Variants in DDX54 observed in about 807,000 individuals in gnomAD.
The protein encoded by DDX54 is ATP-dependent RNA helicase DDX54.
DDX54 carries 67 observed loss-of-function variants against 105.5 expected under a neutral mutation model. That is an observed-to-expected ratio of 0.64 (90% CI 0.52 to 0.78). The LOEUF (loss-of-function observed/expected upper bound fraction) is 0.78, where lower values mean the gene tolerates loss of function less well. DDX54 is among the 30% of genes least tolerant of loss of function. DDX54 has a pLI of 0.00. For missense variants in DDX54, 1,206 were observed against 1,230.5 expected, an observed-to-expected ratio of 0.98 and a Z score of 0.30; for synonymous variants, 514 against 509.9, an observed-to-expected ratio of 1.01 and a Z score of -0.11.
At chr12:113,181,118 G>T in intron 1 of DDX54, 60 bp from the exon 2 acceptor site, 1 of 1,567,780 alleles carries the variant, frequency 6.4e-7, no homozygotes, top group South Asian at 1.2e-5. Context: ...ACAGGGGGCA[G>T]GGAAGGGGCC....
chr12:113,179,795 G>C, intron 3 of DDX54, 140 bp downstream of exon 3: 1 of 986,064 alleles, frequency 1.0e-6, no homozygotes, highest in Non-Finnish European at 1.5e-6. Flanking sequence ...CTAGGAAGTG[G>C]GCACGCTAGC....
intron 3 of DDX54, 60 bp downstream of exon 3, chr12:113,179,875 A>G: frequency 1.3e-6 from 2 of 1,587,954 alleles, no homozygotes; most frequent in Admixed American, 3.3e-5. Context: ...TCAAGGGGCC[A>G]GAGAGGAGGG....
Position 113,162,991 on chromosome 12 carries a change from G to T in DDX54, c.2136C>A (p.Val712=). Residue 712 remains valine (V), a synonymous_variant, in exon 17 of 20, where the codon GTC becomes GTA. Transcript: ENST00000306014. Reference sequence around the variant, plus strand: ...GGGCTTCATCCCCCATCAAGTCCAGGACAGCGCCAGCTGCCTGCTGCTCAA... The same window carrying T: ...GGGCTTCATCCCCCATCAAGTCCAGTACAGCGCCAGCTGCCTGCTGCTCAA... ...GAFEQQAAGA[V]LDLMGDEAQN... is the part of the protein sequence containing the mutation. The T allele has an allele frequency of 6.2e-7, 1 of 1,609,260 alleles. No homozygotes were observed. Among genetic ancestry groups the T allele is most frequent in the Admixed American group, 1.7e-5 (1 of 59,948 alleles).
At chr12:113,164,985 C>G (rs372724509) in intron 14 of DDX54, among the ~76,000 whole-genome samples, 1 of 152,288 alleles carries the variant, frequency 6.6e-6, no homozygotes, top group East Asian at 1.9e-4. Context: ...CATGATTGCA[C>G]CACTGCACTC....
In DDX54 at chr12:113,185,412, G is replaced by C. The variant is rs141235407; in HGVS notation, c.40C>G (p.Arg14Gly). Residue 14 changes from arginine to glycine, a missense_variant, in exon 1 of 20, where the codon CGA becomes GGA. Coordinates refer to ENST00000306014, the MANE Select transcript of DDX54 (RefSeq NM_024072.4). ...TTCCTCCACTGGGCCATGGCAGCTC[G>C]CGACCGAGGTCCAGCCGCCGGGCCC... is the stretch of plus-strand genomic sequence containing the variant. ...DKGPAAGPRS[R>G]AAMAQWRKKK... is the part of the protein sequence containing the mutation. The C allele has an allele frequency of 0.012, 18,831 of 1,533,574 alleles. 218 individuals carry two copies. Among genetic ancestry groups the C allele is most frequent in the Middle Eastern group, 0.048 (278 of 5,784 alleles). 95.0% of individuals were successfully genotyped at this position (1,533,574 alleles called of 1,614,324 possible). A position where few individuals can be genotyped will look rare whatever the true frequency, so the allele number is the denominator to read the frequency against.
intron 18 of DDX54, 34 bp from the exon 19 acceptor site, chr12:113,161,416 C>G (rs201119705): frequency 6.4e-7 from 1 of 1,562,960 alleles, no homozygotes; most frequent in African/African-American, 1.3e-5. Context: ...TGCGTGAAGC[C>G]CCTGGGATGG....
chr12:113,157,564 C>T lies in DDX54; in HGVS notation c.*1313G>A. The T allele has an allele frequency of 6.5e-7, 1 of 1,538,458 alleles. No homozygotes were observed. Among genetic ancestry groups the T allele is most frequent in the Non-Finnish European group, 8.8e-7 (1 of 1,135,226 alleles). ...GAGGGGTGGGGGCTGGACAGTGACT[C>T]TGGGGCTGGGATGTGACTTCGTGCT... On this transcript the variant is annotated 3_prime_UTR_variant, in exon 20 of 20. Coordinates refer to ENST00000306014, the MANE Select transcript of DDX54 (RefSeq NM_024072.4).
Position 113,157,407 on chromosome 12 carries a change from T to C in DDX54, c.*1470A>G, listed in dbSNP as rs182379090. ...TCTGCTCACGCAGCAGTTGGGAAGG[T>C]TGGCCTGAGGCTTTCAAAACCCAGA... is the stretch of plus-strand genomic sequence containing the variant. On this transcript the variant is annotated 3_prime_UTR_variant, in exon 20 of 20. Coordinates refer to ENST00000306014, the MANE Select transcript of DDX54 (RefSeq NM_024072.4). 7.2e-4 allele frequency: 428 copies of C among 591,528 alleles called. No individual in the cohort carries two copies. The highest frequency in any genetic ancestry group is 1.2e-3 in the Non-Finnish European group (397 of 330,392). The allele number at this position is 591,528 out of a possible 1,614,324, so 36.6% of individuals were successfully genotyped here. A position where few individuals can be genotyped will look rare whatever the true frequency, so the allele number is the denominator to read the frequency against.
At chr12:113,162,828 T>C (rs1952225116) in intron 17 of DDX54, 104 bp downstream of exon 17, 2 of 1,052,744 alleles carry the variant, frequency 1.9e-6, no homozygotes, top group South Asian at 3.3e-5. Flanking sequence ...ACCCCGGGCA[T>C]GGAGGGAGGG....
At chr12:113,164,759 C>T (rs1566094268) in intron 14 of DDX54, among the ~76,000 whole-genome samples, 3 of 149,088 alleles carry the variant, frequency 2.0e-5, no homozygotes, top group Admixed American at 1.3e-4. Context: ...GGCCAGGCAC[C>T]GTGGCTCACG....
chr12:113,161,675 C>A (rs904553720), intron 18 of DDX54, among the ~76,000 whole-genome samples: 1 of 151,520 alleles, frequency 6.6e-6, no homozygotes, highest in Non-Finnish European at 1.5e-5. Context: ...GGGCCCCGCC[C>A]CCAGCACAGG....
At chr12:113,178,904 C>T (rs1315204486) in intron 5 of DDX54, 73 bp downstream of exon 5, 5 of 1,569,360 alleles carry the variant, frequency 3.2e-6, no homozygotes, top group South Asian at 2.3e-5. Flanking sequence ...CAGCTTAAAT[C>T]GAACTAATGT....
Position 113,176,834 on chromosome 12 carries a change from C to A in DDX54, c.752+6G>T, listed in dbSNP as rs200851820. On this transcript the variant is annotated splice_donor_region_variant and intron_variant, in intron 7 of 19. Transcript: ENST00000306014. ...CAAGTGCTCAGGGCTGGACCTGCAG[C>A]CTTACCGGTCAGCTTCATCGAACAC... is the stretch of plus-strand genomic sequence containing the variant. 5 of 1,613,830 alleles carry A rather than the reference C, an allele frequency of 3.1e-6. No individual in the cohort carries two copies. The highest frequency in any genetic ancestry group is 4.2e-6 in the Non-Finnish European group (5 of 1,179,912).
chr12:113,172,287 G>A, intron 11 of DDX54, 66 bp downstream of exon 11: 1 of 1,545,836 alleles, frequency 6.5e-7, no homozygotes, highest in Non-Finnish European at 8.8e-7. Context: ...GTTAAGCCTT[G>A]TACCCTCGGC....
intron 11 of DDX54, among the ~76,000 whole-genome samples, chr12:113,171,290 C>T (rs1952335517): frequency 6.6e-6 from 1 of 152,096 alleles, no homozygotes; most frequent in African/African-American, 2.4e-5. Context: ...ACGGATAGAG[C>T]TTCAATTTTG....
rs781081249 is a variant in DDX54 at position 113,162,007 on chromosome 12, AG to A, written c.2196-11del. ...CTTCTTCTTACGGTCCCTGCAGGAG[AG>A]GGAGTTGGGACGGCTGCCGTGGAGG... On this transcript the variant is annotated splice_polypyrimidine_tract_variant and intron_variant, in intron 17 of 19. Coordinates refer to ENST00000306014, the MANE Select transcript of DDX54 (RefSeq NM_024072.4). The A allele has an allele frequency of 6.2e-7, 1 of 1,611,690 alleles. No individual in the cohort carries two copies. The highest frequency in any genetic ancestry group is 1.3e-5 in the African/African-American group (1 of 74,816).
Position 113,185,258 on chromosome 12 carries a change from T to TCCCGGGCC in DDX54, c.174+19_174+20insGGCCCGGG. The TCCCGGGCC allele has an allele frequency of 6.5e-7, 1 of 1,528,536 alleles. No individual in the cohort carries two copies. The allele number at this position is 1,528,536 out of a possible 1,614,324, so 94.7% of individuals were successfully genotyped here. A position where few individuals can be genotyped will look rare whatever the true frequency, so the allele number is the denominator to read the frequency against. ...GCCGGGTCTCGGGCCCGAACATGCG[T>TCCCGGGCC]CCCAGCCCCACGCGCCTACCTTCCG... On this transcript the variant is annotated intron_variant, in intron 1 of 19. Transcript: ENST00000306014.
intron 1 of DDX54, among the ~76,000 whole-genome samples, chr12:113,183,232 C>G (rs1371455436): frequency 6.6e-6 from 1 of 152,236 alleles, no homozygotes; most frequent in Non-Finnish European, 1.5e-5. Context: ...AGAGGTTAAG[C>G]AACCTCTCCA....
At chr12:113,169,698 A>T in intron 12 of DDX54, 72 bp downstream of exon 12, 1 of 1,549,258 alleles carries the variant, frequency 6.5e-7, no homozygotes, top group Non-Finnish European at 8.7e-7. Flanking sequence ...ACCCAGCCCT[A>T]CCTCCTCCCA....
Sources: allele counts gnomAD v4.1 joint callset (sites outside exome capture counted in the v4.1 genomes callset), GRCh38; gene constraint gnomAD v4.1.1; transcripts MANE v1.5; gene names NCBI Gene and HGNC (gene_info 2026-07-23, HGNC 2026-07-21).